Variants in SLC35F4 observed in about 807,000 individuals in gnomAD.
SLC35F4 encodes the protein solute carrier family 35 member F4.
In SLC35F4, 24 loss-of-function variants were observed where a neutral mutation model predicts 44.2. That is an observed-to-expected ratio of 0.54 (90% CI 0.39 to 0.76). The LOEUF is 0.76. SLC35F4 is among the 30% of genes least tolerant of loss of function. SLC35F4 has a pLI of 0.00. For synonymous variants in SLC35F4, 238 were observed against 223.6 expected, an observed-to-expected ratio of 1.06 and a Z score of -0.57; for missense variants, 562 against 586.1, an observed-to-expected ratio of 0.96 and a Z score of 0.42.
chr14:57,952,636 A>G (rs1025359267), intron 1 of SLC35F4, among the ~76,000 whole-genome samples: 3 of 151,940 alleles, frequency 2.0e-5, no homozygotes, highest in African/African-American at 4.8e-5. Context: ...AACTTCATGA[A>G]GTACACACAA....
At chr14:57,983,032 G>A (rs2141102641), upstream of SLC35F4, among the ~76,000 whole-genome samples, 1 of 152,352 alleles carries the variant, frequency 6.6e-6, no homozygotes, top group East Asian at 1.9e-4. Flanking sequence ...TGCTCTTGCT[G>A]CTCAGGCTCT....
chr14:57,728,816 ACT>A (rs1423679106), intron 1 of SLC35F4, among the ~76,000 whole-genome samples: 1 of 151,118 alleles, frequency 6.6e-6, no homozygotes, highest in African/African-American at 2.4e-5. Flanking sequence ...AGATTCAAGA[ACT>A]CCCTTTAGCA....
Position 57,880,070 on chromosome 14 carries a change from AAGGAAGGAAGGAAGGAAG to A in SLC35F4, n.282+101825_282+101842del, listed in dbSNP as rs1566920010. On this transcript the variant is annotated intron_variant and non_coding_transcript_variant, in intron 1 of 1. Transcript: ENST00000556568. ...GAAGGAAGGAAGGAAGGAAGGAAGG[AAGGAAGGAAGGAAGGAAG>A]GAAGGAAGGAAGGAAGGAAGGACAG... Among the ~76,000 whole-genome samples the A allele has an allele frequency of 8.8e-4, 122 of 138,226 alleles. 1 individual carries two copies. The highest frequency in any genetic ancestry group is 3.3e-3 in the African/African-American group (112 of 34,406). The allele number at this position is 138,226 out of a possible 152,430, so 90.7% of individuals were successfully genotyped here. A position where few individuals can be genotyped will look rare whatever the true frequency, so the allele number is the denominator to read the frequency against.
At chr14:57,787,339 TG>T (rs1385628260) in intron 1 of SLC35F4, among the ~76,000 whole-genome samples, 6 of 152,186 alleles carry the variant, frequency 3.9e-5, no homozygotes, top group African/African-American at 1.4e-4. Flanking sequence ...AAAACATATT[TG>T]GGGGAATAAT....
chr14:57,969,155 A>C (rs12436874), intron 1 of SLC35F4, among the ~76,000 whole-genome samples: 42,851 of 152,120 alleles, frequency 0.28, 6,452 homozygotes, highest in African/African-American at 0.4. Flanking sequence ...ATGATGGGAA[A>C]TTTGGACCCT....
chr14:57,715,361 T>A (rs1212562883), intron 1 of SLC35F4, among the ~76,000 whole-genome samples: 7 of 152,206 alleles, frequency 4.6e-5, no homozygotes, highest in Non-Finnish European at 8.8e-5. Flanking sequence ...CTCAGTATCA[T>A]CTTGGCATAA....
At chr14:57,788,484 G>A (rs535834072) in intron 1 of SLC35F4, among the ~76,000 whole-genome samples, 1 of 152,226 alleles carries the variant, frequency 6.6e-6, no homozygotes, top group East Asian at 1.9e-4. Context: ...ACAGTGCATG[G>A]AACTTTCTCC....
chr14:57,758,462 TTCAG>T (rs2077047312), intron 1 of SLC35F4, among the ~76,000 whole-genome samples: 1 of 152,162 alleles, frequency 6.6e-6, no homozygotes, highest in Admixed American at 6.5e-5. Context: ...AATAATCCTA[TTCAG>T]TATGTTTTTT....
chr14:57,966,017 A>G (rs995087518), intron 1 of SLC35F4, among the ~76,000 whole-genome samples: 10 of 152,302 alleles, frequency 6.6e-5, no homozygotes, highest in Middle Eastern at 6.8e-3. Flanking sequence ...ATGTTTCTCA[A>G]TGTGTGGCCC....
chr14:57,934,905 T>C (rs549767480), intron 1 of SLC35F4, among the ~76,000 whole-genome samples: 1 of 152,292 alleles, frequency 6.6e-6, no homozygotes, highest in Admixed American at 6.5e-5. Context: ...ACTGGTAAAG[T>C]AATGGAGAAG....
intron 1 of SLC35F4, among the ~76,000 whole-genome samples, chr14:57,882,121 C>G (rs992643253): frequency 6.6e-6 from 1 of 152,136 alleles, no homozygotes; most frequent in East Asian, 1.9e-4. Context: ...TCTCATCAGC[C>G]CACTGATGAC....
intron 1 of SLC35F4, among the ~76,000 whole-genome samples, chr14:57,678,703 A>C (rs1272032661): frequency 6.6e-6 from 1 of 151,982 alleles, no homozygotes; most frequent in Non-Finnish European, 1.5e-5. Flanking sequence ...AAGAAAAAAA[A>C]AAAGAAAGCA....
At chr14:57,937,418 T>C (rs1221119662) in intron 1 of SLC35F4, among the ~76,000 whole-genome samples, 5 of 152,044 alleles carry the variant, frequency 3.3e-5, no homozygotes, top group African/African-American at 7.2e-5. Flanking sequence ...AGTAGTCTCA[T>C]TGTATATAGA....
intron 1 of SLC35F4, among the ~76,000 whole-genome samples, chr14:57,605,720 A>C (rs2140009369): frequency 6.6e-6 from 1 of 152,182 alleles, no homozygotes; most frequent in East Asian, 1.9e-4. Context: ...GCCCATCAGT[A>C]GTGGGTTGGA....
At chr14:57,657,024 T>A (rs989684295) in intron 1 of SLC35F4, among the ~76,000 whole-genome samples, 3 of 152,212 alleles carry the variant, frequency 2.0e-5, no homozygotes, top group Non-Finnish European at 4.4e-5. Context: ...ACGTGGCAGG[T>A]CTTTAATCAA....
intron 1 of SLC35F4, among the ~76,000 whole-genome samples, chr14:57,890,583 T>C (rs1888740389): frequency 6.6e-6 from 1 of 152,178 alleles, no homozygotes; most frequent in African/African-American, 2.4e-5. Context: ...TCAATATTCT[T>C]TTTTCCAATT....
chr14:57,574,066 T>A (rs1717177652), intron 4 of SLC35F4, among the ~76,000 whole-genome samples: 1 of 152,092 alleles, frequency 6.6e-6, no homozygotes. Flanking sequence ...TGAAAACCAA[T>A]TAAAAAACCC....
At chr14:57,677,498 G>GGT (rs1217705550) in intron 1 of SLC35F4, among the ~76,000 whole-genome samples, 2 of 152,002 alleles carry the variant, frequency 1.3e-5, no homozygotes, top group Non-Finnish European at 1.5e-5. Context: ...GACTCTAGAT[G>GGT]GTGTGTATAT....
chr14:57,975,145 T>A (rs1881177773), downstream of SLC35F4, among the ~76,000 whole-genome samples: 1 of 152,272 alleles, frequency 6.6e-6, no homozygotes, highest in Middle Eastern at 3.4e-3. Context: ...AAAGAGTTGA[T>A]CATTGAGGTG....
Sources: allele counts gnomAD v4.1 joint callset (sites outside exome capture counted in the v4.1 genomes callset), GRCh38; gene constraint gnomAD v4.1.1; transcripts MANE v1.5; gene names NCBI Gene and HGNC (gene_info 2026-07-23, HGNC 2026-07-21).